The following GABRA3 variants were observed in gnomAD, a reference collection of about 807,000 sequenced individuals.
The protein encoded by GABRA3 is gamma-aminobutyric acid receptor subunit alpha-3.
In GABRA3, 10 loss-of-function variants were observed where a neutral mutation model predicts 30.1. The observed-to-expected ratio is 0.33, with a 90% CI of 0.20 to 0.56. The LOEUF (loss-of-function observed/expected upper bound fraction) is 0.56, where lower values mean the gene tolerates loss of function less well. Among genes scored for constraint, GABRA3 ranks in the 20% least tolerant of loss-of-function variants. The probability of loss-of-function intolerance (pLI) is 0.89; values close to 1 mark genes in which losing one functional copy is unlikely to be tolerated. For synonymous variants in GABRA3, 151 were observed against 146.8 expected (o/e 1.03, Z -0.21); for missense variants, 233 against 392.0 (o/e 0.59, Z 3.42).
At chrX:152,233,346 C>A (rs1938127463) in intron 5 of GABRA3, among the ~76,000 whole-genome samples, 1 of 110,911 alleles carries the variant, frequency 9.0e-6, no homozygotes, top group East Asian at 2.8e-4. Flanking sequence ...GCTTTTGTTG[C>A]CATTGCTTTT....
chrX:152,449,563 G>A (rs773186618), intron 1 of GABRA3, among the ~76,000 whole-genome samples: 9 of 111,510 alleles, frequency 8.1e-5, no homozygotes, highest in Non-Finnish European at 1.3e-4. Flanking sequence ...ACCAATCAAA[G>A]TCTTTTGGGC....
At chrX:152,277,655 T>A (rs1168139484) in intron 4 of GABRA3, among the ~76,000 whole-genome samples, 5 of 112,074 alleles carry the variant, frequency 4.5e-5, no homozygotes, top group African/African-American at 1.6e-4. Context: ...ATTGATCCCT[T>A]GTATACGCTC....
chrX:152,272,459 T>C (rs1938962184), intron 4 of GABRA3, among the ~76,000 whole-genome samples: 1 of 112,646 alleles, frequency 8.9e-6, no homozygotes, highest in African/African-American at 3.2e-5. Context: ...TGTACCCCCA[T>C]TGTATCTAGA....
At chrX:152,366,098 G>A (rs1381507914) in intron 1 of GABRA3, among the ~76,000 whole-genome samples, 1 of 111,644 alleles carries the variant, frequency 9.0e-6, no homozygotes, top group African/African-American at 3.3e-5. Context: ...TAGTATATGA[G>A]TAAGAAAAGA....
intron 3 of GABRA3, among the ~76,000 whole-genome samples, chrX:152,338,766 A>G (rs1306893328): frequency 1.8e-5 from 2 of 112,041 alleles, no homozygotes; most frequent in Non-Finnish European, 3.8e-5. Context: ...CAGTTTTCCC[A>G]GCATTATTTG....
intron 2 of GABRA3, among the ~76,000 whole-genome samples, chrX:152,357,850 T>C (rs1940574981): frequency 9.0e-6 from 1 of 111,527 alleles, no homozygotes; most frequent in Admixed American, 9.6e-5. Flanking sequence ...CTGTGAAAGA[T>C]CAGATGTTTG....
chrX:152,275,511 C>A (rs1019192474), intron 4 of GABRA3, among the ~76,000 whole-genome samples: 1 of 41,394 alleles, frequency 2.4e-5, no homozygotes, highest in African/African-American at 6.4e-5. Context: ...AATCCCAGCA[C>A]TTTGGGAGGC....
At chrX:152,406,565 C>T (rs1458735062) in intron 1 of GABRA3, among the ~76,000 whole-genome samples, 4 of 80,606 alleles carry the variant, frequency 5.0e-5, no homozygotes, top group Non-Finnish European at 9.0e-5. Flanking sequence ...ATGCACCTAA[C>T]ACTGGAATAT....
chrX:152,241,960 G>A (rs772542993), intron 5 of GABRA3, among the ~76,000 whole-genome samples: 19 of 111,643 alleles, frequency 1.7e-4, no homozygotes, highest in Admixed American at 5.7e-4. Flanking sequence ...GAAATCACCC[G>A]TCTTCTGCGT....
chrX:152,379,005 C>T (rs1226148327), intron 1 of GABRA3, among the ~76,000 whole-genome samples: 5 of 111,235 alleles, frequency 4.5e-5, no homozygotes, highest in African/African-American at 1.6e-4. Context: ...CTACACAAAA[C>T]ATAGATGTCT....
Position 152,189,835 on chromosome X carries a change from A to G in GABRA3, c.1038T>C (p.Tyr346=). 1 of 1,209,326 alleles carries G rather than the reference A, an allele frequency of 8.3e-7. No individual in the cohort carries two copies. Among genetic ancestry groups the G allele is most frequent in the Non-Finnish European group, 1.1e-6 (1 of 893,619 alleles). Residue 346 remains tyrosine, a synonymous_variant, in exon 9 of 10, where the codon TAT becomes TAC. Coordinates refer to ENST00000370314, the MANE Select transcript of GABRA3 (RefSeq NM_000808.4). Reference sequence around the variant, plus strand: ...CAATCAGTGCAGAAAATACAAAGGCATAACAGACGGCTATGAACCAGTCCA... The same window carrying G: ...CAATCAGTGCAGAAAATACAAAGGCGTAACAGACGGCTATGAACCAGTCCA... ...TAMDWFIAVC[Y]AFVFSALIEF...
chrX:152,332,529 G>A (rs1030865519), intron 3 of GABRA3, among the ~76,000 whole-genome samples: 1 of 112,251 alleles, frequency 8.9e-6, no homozygotes, highest in South Asian at 3.7e-4. Context: ...CTATTTGATA[G>A]GTTATTTACA....
In GABRA3 at chrX:152,364,455, T is replaced by C; in HGVS notation, c.116A>G (p.Asp39Gly). Residue 39 changes from aspartate to glycine, a missense_variant, in exon 2 of 10, where the codon GAC becomes GGC. Physicochemically the swap from Asp to Gly is moderately conservative, Grantham distance 94. Coordinates refer to ENST00000370314, the MANE Select transcript of GABRA3 (RefSeq NM_000808.4). ...QGESRRQEPG[D>G]FVKQDIGGLS... ...CCCGCCAATGTCCTGCTTCACAAAGTCCCCGGGTTCTTGTCGTCTTGATTC... is the reference window on the plus strand; with the variant it reads ...CCCGCCAATGTCCTGCTTCACAAAGCCCCCGGGTTCTTGTCGTCTTGATTC... 8.3e-7 allele frequency: 1 copy of C among 1,209,508 alleles called. No individual in the cohort carries two copies. The highest frequency in any genetic ancestry group is 1.1e-6 in the Non-Finnish European group (1 of 894,352).
intron 6 of GABRA3, among the ~76,000 whole-genome samples, chrX:152,214,195 A>G (rs1415110482): frequency 1.8e-5 from 2 of 111,524 alleles, no homozygotes. Context: ...TATGAGCTAT[A>G]TCACTTAGGA....
At chrX:152,439,203 C>G (rs1930856565) in intron 1 of GABRA3, among the ~76,000 whole-genome samples, 2 of 110,928 alleles carry the variant, frequency 1.8e-5, no homozygotes, top group African/African-American at 3.3e-5. Flanking sequence ...TCTCAGCTCA[C>G]TGCAAACTCC....
At chrX:152,398,724 G>C (rs1929722011) in intron 1 of GABRA3, among the ~76,000 whole-genome samples, 1 of 111,798 alleles carries the variant, frequency 8.9e-6, no homozygotes, top group East Asian at 2.8e-4. Flanking sequence ...AAAATACCAA[G>C]TTTGTGATTG....
At chrX:152,222,224 T>C (rs1392051956) in intron 6 of GABRA3, among the ~76,000 whole-genome samples, 2 of 109,423 alleles carry the variant, frequency 1.8e-5, no homozygotes, top group African/African-American at 3.3e-5. Flanking sequence ...TATATTCCCT[T>C]ACTATGACCC....
intron 1 of GABRA3, among the ~76,000 whole-genome samples, chrX:152,365,284 C>T (rs17326848): frequency 0.11 from 12,340 of 110,978 alleles, 533 homozygotes; most frequent in South Asian, 0.14. Flanking sequence ...TGCAGTATTT[C>T]CCCATAAAGA....
intron 3 of GABRA3, among the ~76,000 whole-genome samples, chrX:152,313,859 A>G (rs1939833428): frequency 9.0e-6 from 1 of 111,304 alleles, no homozygotes; most frequent in Non-Finnish European, 1.9e-5. Context: ...TTTCCTTTCG[A>G]TAAGTGGTCT....
Sources: allele counts gnomAD v4.1 joint callset (sites outside exome capture counted in the v4.1 genomes callset), GRCh38; gene constraint gnomAD v4.1.1; transcripts MANE v1.5; gene names NCBI Gene and HGNC (gene_info 2026-07-23, HGNC 2026-07-21).